The following FAM174A variants were observed in gnomAD, a reference collection of about 807,000 sequenced individuals.
The protein encoded by FAM174A is membrane protein FAM174A.
In FAM174A, 14 loss-of-function variants were observed where a neutral mutation model predicts 14.3. The observed-to-expected ratio is 0.98, with a 90% CI of 0.65 to 1.53. The LOEUF is 1.53. Ranked by LOEUF, FAM174A falls within the 40% of genes most tolerant of loss-of-function variation. The probability of loss-of-function intolerance (pLI) is 0.00; values close to 1 mark genes in which losing one functional copy is unlikely to be tolerated. For missense variants in FAM174A, 241 were observed against 249.6 expected (o/e 0.97, Z 0.23); for synonymous variants, 108 against 111.4 (o/e 0.97, Z 0.19).
intron 1 of FAM174A, among the ~76,000 whole-genome samples, chr5:100,557,197 T>G (rs188547243): frequency 6.6e-5 from 10 of 150,452 alleles, no homozygotes; most frequent in Non-Finnish European, 1.2e-4. Flanking sequence ...TCTATTGAGA[T>G]AATCATGTGG....
chr5:100,573,651 C>T (rs1271070230), intron 2 of FAM174A, among the ~76,000 whole-genome samples: 2 of 150,382 alleles, frequency 1.3e-5, no homozygotes, highest in African/African-American at 5.0e-5. Flanking sequence ...CCATACTGCC[C>T]AAGGTAATTT....
At chr5:100,559,298 A>T (rs1013366371) in intron 1 of FAM174A, among the ~76,000 whole-genome samples, 1 of 152,140 alleles carries the variant, frequency 6.6e-6, no homozygotes, top group Non-Finnish European at 1.5e-5. Context: ...AGTTTCTGCC[A>T]AGAGATCAGC....
In FAM174A at chr5:100,541,160, A is replaced by T. The variant is rs116107780; in HGVS notation, c.434+5196A>T. On this transcript the variant is annotated intron_variant, in intron 1 of 2. Coordinates refer to ENST00000312637, the MANE Select transcript of FAM174A (RefSeq NM_198507.3). ...ACTGTTATATCTCTCAAACTTCTGA[A>T]TATTAGGGCTTCAAAGATAATAAAG... Among the ~76,000 whole-genome samples, 777 of 152,296 alleles carry T rather than the reference A, an allele frequency of 5.1e-3. 9 individuals are homozygous for T. Among genetic ancestry groups the T allele is most frequent in the African/African-American group, 0.017 (721 of 41,558 alleles).
chr5:100,536,211 C>T (rs1745939326), intron 1 of FAM174A, among the ~76,000 whole-genome samples: 3 of 152,232 alleles, frequency 2.0e-5, no homozygotes, highest in African/African-American at 4.8e-5. Context: ...CTACAACCCA[C>T]GTCAGCCTCA....
intron 2 of FAM174A, among the ~76,000 whole-genome samples, chr5:100,578,117 T>C (rs1056049303): frequency 6.6e-6 from 1 of 152,126 alleles, no homozygotes; most frequent in Admixed American, 6.6e-5. Flanking sequence ...ATTTTTATTT[T>C]TAGTACCGTG....
intron 2 of FAM174A, among the ~76,000 whole-genome samples, chr5:100,565,159 A>G (rs547103100): frequency 1.3e-5 from 2 of 152,042 alleles, no homozygotes; most frequent in South Asian, 4.1e-4. Flanking sequence ...ATGATGATAC[A>G]CCATGATTAA....
intron 2 of FAM174A, among the ~76,000 whole-genome samples, chr5:100,565,265 C>G (rs974180834): frequency 2.0e-5 from 3 of 151,790 alleles, no homozygotes; most frequent in African/African-American, 7.2e-5. Context: ...GCCACAAGAT[C>G]ATTTCAGTAG....
chr5:100,536,226 G>A (rs1012974849), intron 1 of FAM174A, among the ~76,000 whole-genome samples: 3 of 152,158 alleles, frequency 2.0e-5, no homozygotes, highest in Non-Finnish European at 4.4e-5. Flanking sequence ...GCCTCAAAGG[G>A]CACCCTTTCT....
chr5:100,573,548 A>G (rs1426774246), intron 2 of FAM174A, among the ~76,000 whole-genome samples: 1 of 152,026 alleles, frequency 6.6e-6, no homozygotes, highest in Non-Finnish European at 1.5e-5. Context: ...AAGGAGAACT[A>G]CAAACCACTG....
chr5:100,578,210 A>C (rs1174055632), intron 2 of FAM174A, among the ~76,000 whole-genome samples: 1 of 152,114 alleles, frequency 6.6e-6, no homozygotes, highest in Non-Finnish European at 1.5e-5. Context: ...TCCAGAACTG[A>C]GAAGTATTAT....
intron 1 of FAM174A, among the ~76,000 whole-genome samples, chr5:100,547,821 AAC>A (rs1434057679): frequency 6.6e-6 from 1 of 151,628 alleles, no homozygotes; most frequent in African/African-American, 2.4e-5. Flanking sequence ...AAGTGAGTTA[AAC>A]ACAAGGAAAT....
At chr5:100,561,687 G>A (rs995482205) in intron 1 of FAM174A, among the ~76,000 whole-genome samples, 3 of 151,842 alleles carry the variant, frequency 2.0e-5, no homozygotes, top group Non-Finnish European at 4.4e-5. Flanking sequence ...AAAGCGGGGA[G>A]GACATGGGGA....
chr5:100,581,558 C>G (rs556249803), intron 2 of FAM174A: 9,071 of 161,696 alleles, frequency 0.056, 913 homozygotes, highest in African/African-American at 0.2. Context: ...TTCAAGACCT[C>G]GCTTAAGGCT....
At chr5:100,572,053 T>A (rs1324654255) in intron 2 of FAM174A, among the ~76,000 whole-genome samples, 2 of 152,026 alleles carry the variant, frequency 1.3e-5, no homozygotes, top group South Asian at 4.1e-4. Context: ...ATATTCCTGA[T>A]TAATTTTTTT....
chr5:100,577,210 A>G (rs1201669987), intron 2 of FAM174A, among the ~76,000 whole-genome samples: 2 of 152,114 alleles, frequency 1.3e-5, no homozygotes, highest in Non-Finnish European at 2.9e-5. Flanking sequence ...CCATAATAAA[A>G]ATAATTAAGT....
intron 2 of FAM174A, among the ~76,000 whole-genome samples, chr5:100,582,915 C>G (rs1747050355): frequency 6.6e-6 from 1 of 152,142 alleles, no homozygotes; most frequent in Non-Finnish European, 1.5e-5. Flanking sequence ...ACCAACTACA[C>G]AGTCAAAAAT....
At chr5:100,537,205 A>C (rs1004020450) in intron 1 of FAM174A, among the ~76,000 whole-genome samples, 3 of 152,220 alleles carry the variant, frequency 2.0e-5, no homozygotes, top group Admixed American at 6.5e-5. Flanking sequence ...TGCTTCAACC[A>C]AACAACACAT....
chr5:100,552,218 T>A (rs963844620), intron 1 of FAM174A, among the ~76,000 whole-genome samples: 1 of 152,180 alleles, frequency 6.6e-6, no homozygotes, highest in African/African-American at 2.4e-5. Context: ...GTTCACTAAT[T>A]TTTATTCATT....
At chr5:100,559,410 T>G (rs1297232805) in intron 1 of FAM174A, among the ~76,000 whole-genome samples, 1 of 152,118 alleles carries the variant, frequency 6.6e-6, no homozygotes, top group Non-Finnish European at 1.5e-5. Context: ...CTGGCAGTTA[T>G]GTGTCTTGGA....
Sources: gnomAD v4.1 joint callset for allele counts (sites outside exome capture counted in the v4.1 genomes callset) on GRCh38, gnomAD v4.1.1 for gene constraint, MANE v1.5 for transcripts, NCBI Gene and HGNC (gene_info 2026-07-23, HGNC 2026-07-21) for gene names.